Variants in ERFE observed in about 807,000 individuals in gnomAD.
ERFE encodes the protein erythroferrone.
Under a neutral mutation model 26.6 loss-of-function variants are expected in ERFE, and 25 were observed. The ratio of observed to expected loss-of-function variants is 0.94; its 90% confidence interval spans 0.69 to 1.31. ERFE has a LOEUF of 1.31. ERFE is among the 40% of genes most tolerant of loss of function. The probability of loss-of-function intolerance (pLI) is 0.00; values close to 1 mark genes in which losing one functional copy is unlikely to be tolerated. For missense variants in ERFE, 447 were observed against 440.2 expected (o/e 1.02, Z -0.14); for synonymous variants, 206 against 204.5 (o/e 1.01, Z -0.06).
chr2:238,167,918 A>C lies in ERFE; in HGVS notation c.*864A>C. The C allele has an allele frequency of 5.2e-6, 1 of 193,664 alleles. No individual in the cohort carries two copies. Among genetic ancestry groups the C allele is most frequent in the East Asian group, 1.3e-4 (1 of 7,778 alleles). The allele number at this position is 193,664 out of a possible 1,614,324, so 12.0% of individuals were successfully genotyped here. On this transcript the variant is annotated 3_prime_UTR_variant, in exon 8 of 8. Coordinates refer to ENST00000546354, the MANE Select transcript of ERFE (RefSeq NM_001291832.2). ...CCACCCACCAGAGGAAAGATCTAGA[A>C]CGTCTTTACAGATTGGAGACAGCCG... is the stretch of plus-strand genomic sequence containing the variant.
In ERFE at chr2:238,161,582, G is replaced by C. The variant is rs1023499177; in HGVS notation, c.199-12G>C. ...TGAGGCCAACCGCCCTGCTGGGCTG[G>C]CTGTGTTCCAGGAGCCCACCGCTGA... On this transcript the variant is annotated splice_polypyrimidine_tract_variant and intron_variant, in intron 1 of 7. Coordinates refer to ENST00000546354, the MANE Select transcript of ERFE (RefSeq NM_001291832.2). 1.1e-5 allele frequency: 17 copies of C among 1,519,402 alleles called. No homozygotes were observed. Among genetic ancestry groups the C allele is most frequent in the Non-Finnish European group, 1.4e-5 (16 of 1,123,306 alleles). The allele number at this position is 1,519,402 out of a possible 1,614,324, so 94.1% of individuals were successfully genotyped here.
At position 238,166,950 on chromosome 2, in the gene ERFE, T is replaced by C. The variant is rs1693045850; in HGVS notation, c.967-6T>C. The C allele has an allele frequency of 1.3e-6, 2 of 1,550,120 alleles. No homozygotes were observed. Among genetic ancestry groups the C allele is most frequent in the Admixed American group, 2.0e-5 (1 of 50,976 alleles). ...GCCCAGTGCCTCAAAGGCACCCTCC[T>C]TGCAGATGGGGCAGTGGACCTCCGT... On this transcript the variant is annotated splice_polypyrimidine_tract_variant and splice_region_variant and intron_variant, in intron 7 of 7. Transcript: ENST00000546354.
intron 2 of ERFE, 131 bp downstream of exon 2, chr2:238,161,847 A>C: frequency 1.5e-6 from 2 of 1,297,640 alleles, no homozygotes; most frequent in Non-Finnish European, 1.0e-6. Context: ...GACAGAGAAC[A>C]GAGAGAACCC....
intron 1 of ERFE, among the ~76,000 whole-genome samples, chr2:238,160,225 C>G (rs770066058): frequency 3.0e-4 from 46 of 152,232 alleles, no homozygotes; most frequent in Non-Finnish European, 5.9e-4. Context: ...AGGCTTGTTT[C>G]TGAGAGACCC....
At position 238,167,740 on chromosome 2, in the gene ERFE, C is replaced by A; in HGVS notation, c.*686C>A. Reference sequence around the variant, plus strand: ...CTAGTTCTAATGTGTGCAAGATTAACTCACAAATTCACCTCAGAAGGCCTT... The same window carrying A: ...CTAGTTCTAATGTGTGCAAGATTAAATCACAAATTCACCTCAGAAGGCCTT... On this transcript the variant is annotated 3_prime_UTR_variant, in exon 8 of 8. Coordinates refer to ENST00000546354, the MANE Select transcript of ERFE (RefSeq NM_001291832.2). 1 of 294,440 alleles carries A rather than the reference C, an allele frequency of 3.4e-6. No homozygotes were observed. Among genetic ancestry groups the A allele is most frequent in the South Asian group, 3.2e-5 (1 of 31,234 alleles). The allele number at this position is 294,440 out of a possible 1,614,324, so 18.2% of individuals were successfully genotyped here. A position where few individuals can be genotyped will look rare whatever the true frequency, so the allele number is the denominator to read the frequency against.
At position 238,161,675 on chromosome 2, in the gene ERFE, A is replaced by G; in HGVS notation, c.280A>G (p.Asn94Asp). The G allele has an allele frequency of 6.5e-7, 1 of 1,547,866 alleles. No individual in the cohort carries two copies. The highest frequency in any genetic ancestry group is 2.4e-5 in the East Asian group (1 of 40,818). ...LFVRQSDKGV[N>D]GKKRSRGKAK... ...CGTCAGGCAGAGTGACAAGGGTGTC[A>G]ATGGCAAGAAGAGGAGCAGGGGCAA... The change falls in exon 2 of 8, where the codon AAT (asparagine) becomes GAT (aspartate). Residue 94 changes from asparagine to aspartate, a missense_variant. Asn to Asp is a conservative substitution (Grantham distance 23). Transcript: ENST00000546354.
Position 238,167,024 on chromosome 2 carries a change from C to T in ERFE, c.1035C>T (p.Ser345=). The change falls in exon 8 of 8, where the codon TCC becomes TCT. Residue 345 remains serine, a synonymous_variant. Transcript: ENST00000546354. ...GCTCCCTCACAGTGCGCAGTGGCTCCCACTTCAGTGCTGTCCTCCTGGGCG... is the reference window on the plus strand; with the variant it reads ...GCTCCCTCACAGTGCGCAGTGGCTCTCACTTCAGTGCTGTCCTCCTGGGCG... ...SGCSLTVRSG[S]HFSAVLLGV 1 of 1,550,542 alleles carries T rather than the reference C, an allele frequency of 6.4e-7. No homozygotes were observed. The highest frequency in any genetic ancestry group is 8.7e-7 in the Non-Finnish European group (1 of 1,146,990).
At chr2:238,165,785 G>T in intron 7 of ERFE, 101 bp downstream of exon 7, 14 of 1,104,630 alleles carry the variant, frequency 1.3e-5, no homozygotes, top group Non-Finnish European at 1.8e-5. Flanking sequence ...TCACTGGGTC[G>T]GGTGCAGCAC....
chr2:238,165,459 C>G, intron 6 of ERFE, 147 bp from the exon 7 acceptor site: 1 of 636,854 alleles, frequency 1.6e-6, no homozygotes, highest in Non-Finnish European at 2.8e-6. Flanking sequence ...CTTGGGGACT[C>G]GGTTCAGACA....
chr2:238,161,375 G>A lies in ERFE; in HGVS notation c.199-219G>A, dbSNP rs982014461. Among the ~76,000 whole-genome samples the A allele has an allele frequency of 2.0e-5, 3 of 152,340 alleles. 1 individual carries two copies. The South Asian group carries it at 6.2e-4, about 32-fold the overall frequency. ...CTCCCATGAGTGCCAAGTCCAGGCCGAGGTGTGGCCCGTTCCCTAGGAGTC... is the reference window on the plus strand; with the variant it reads ...CTCCCATGAGTGCCAAGTCCAGGCCAAGGTGTGGCCCGTTCCCTAGGAGTC... On this transcript the variant is annotated intron_variant, in intron 1 of 7. Coordinates refer to ENST00000546354, the MANE Select transcript of ERFE (RefSeq NM_001291832.2).
At chr2:238,160,342 G>A (rs1341953875) in intron 1 of ERFE, among the ~76,000 whole-genome samples, 1 of 152,188 alleles carries the variant, frequency 6.6e-6, no homozygotes, top group Non-Finnish European at 1.5e-5. Flanking sequence ...AAACCACACT[G>A]GGGTCAGGGT....
At chr2:238,160,232 AC>A (rs1191700334) in intron 1 of ERFE, among the ~76,000 whole-genome samples, 2 of 151,820 alleles carry the variant, frequency 1.3e-5, no homozygotes, top group Admixed American at 1.3e-4. Flanking sequence ...TTTCTGAGAG[AC>A]CCCTTGTGGC....
chr2:238,167,226 G>A lies in ERFE; in HGVS notation c.*172G>A, dbSNP rs531012589. The A allele has an allele frequency of 4.9e-4, 365 of 746,496 alleles. 1 individual carries two copies. Among genetic ancestry groups the A allele is most frequent in the Non-Finnish European group, 7.0e-4 (296 of 425,720 alleles). The allele number at this position is 746,496 out of a possible 1,614,324, so 46.2% of individuals were successfully genotyped here. ...AGCCACTGCAGGCAGGCCTACGGAC[G>A]TGACACGCACGCTGGTGGTCCCGGA... On this transcript the variant is annotated 3_prime_UTR_variant, in exon 8 of 8. Transcript: ENST00000546354.
chr2:238,162,133 T>C (rs1322675828), intron 2 of ERFE, among the ~76,000 whole-genome samples: 1 of 152,350 alleles, frequency 6.6e-6, no homozygotes, highest in East Asian at 1.9e-4. Context: ...TGCTGCCTCC[T>C]GCTTGGAGCC....
Position 238,167,348 on chromosome 2 carries a change from CTCT to C in ERFE, c.*296_*298del. On this transcript the variant is annotated 3_prime_UTR_variant, in exon 8 of 8. Transcript: ENST00000546354. ...CTGCTAGTCTCCAGCTGCAGGCCGA[CTCT>C]TTCCTGGCCTGCTCAGCACCTGCCC... 3.1e-6 allele frequency: 2 copies of C among 644,708 alleles called. No homozygotes were observed. The highest frequency in any genetic ancestry group is 5.7e-6 in the Non-Finnish European group (2 of 348,004). The allele number at this position is 644,708 out of a possible 1,614,324, so 39.9% of individuals were successfully genotyped here. A position where few individuals can be genotyped will look rare whatever the true frequency, so the allele number is the denominator to read the frequency against.
At position 238,163,858 on chromosome 2, in the gene ERFE, G is replaced by T; in HGVS notation, c.546G>T (p.Val182=). 1.5e-6 allele frequency: 2 copies of T among 1,321,516 alleles called. No individual in the cohort carries two copies. Among genetic ancestry groups the T allele is most frequent in the South Asian group, 2.2e-5 (1 of 46,376 alleles). 81.9% of individuals were successfully genotyped at this position (1,321,516 alleles called of 1,614,324 possible). The part of the protein sequence containing the change: ...ATAGEDDDDV[V]GDVLALLAAP... Reference sequence around the variant, plus strand: ...CCGGGGAGGACGACGACGACGTGGTGGGGGACGTGCTGGCACTGCTGGCCG... The same window carrying T: ...CCGGGGAGGACGACGACGACGTGGTTGGGGACGTGCTGGCACTGCTGGCCG... The change falls in exon 4 of 8, where the codon GTG becomes GTT. Residue 182 remains valine (V), a synonymous_variant. Transcript: ENST00000546354.
chr2:238,163,496 G>A, intron 3 of ERFE: 1 of 395,522 alleles, frequency 2.5e-6, no homozygotes, highest in Non-Finnish European at 4.3e-6. Flanking sequence ...AGGTGAGGCT[G>A]GAGGCCAAGG....
At position 238,164,262 on chromosome 2, in the gene ERFE, C is replaced by A. The variant is rs2106320471; in HGVS notation, c.797-8C>A. On this transcript the variant is annotated splice_region_variant and splice_polypyrimidine_tract_variant and intron_variant, in intron 5 of 7. Transcript: ENST00000546354. ...GCCCGCTTGACCACGTCCCACCCTC[C>A]CCCGCAGCGCTCGGGGAGCCGCCGA... The A allele has an allele frequency of 6.7e-7, 1 of 1,501,472 alleles. No homozygotes were observed. The highest frequency in any genetic ancestry group is 2.7e-5 in the East Asian group (1 of 37,692). The allele number at this position is 1,501,472 out of a possible 1,614,324, so 93.0% of individuals were successfully genotyped here.
chr2:238,168,857 G>GTATT lies in ERFE; in HGVS notation c.*1808_*1811dup, dbSNP rs1693095655. The GTATT allele has an allele frequency of 6.1e-6, 1 of 164,120 alleles. No individual in the cohort carries two copies. The highest frequency in any genetic ancestry group is 2.4e-5 in the African/African-American group (1 of 41,818). 10.2% of individuals were successfully genotyped at this position (164,120 alleles called of 1,614,324 possible). On this transcript the variant is annotated 3_prime_UTR_variant, in exon 8 of 8. Transcript: ENST00000546354. ...GTGTGTTATGCAGCAATTTATTAAA[G>GTATT]TATTTATTGTCTAATAAATACTGCC...
Sources: allele counts gnomAD v4.1 joint callset (sites outside exome capture counted in the v4.1 genomes callset), GRCh38; gene constraint gnomAD v4.1.1; transcripts MANE v1.5; gene names NCBI Gene and HGNC (gene_info 2026-07-23, HGNC 2026-07-21).